The following SCN10A variants were observed in gnomAD, a reference collection of about 807,000 sequenced individuals.
The protein encoded by SCN10A is sodium voltage-gated channel alpha subunit 10, also known as sodium channel protein type 10 subunit alpha.
Under a neutral mutation model 170.7 loss-of-function variants are expected in SCN10A, and 162 were observed. The ratio of observed to expected loss-of-function variants is 0.95; its 90% CI spans 0.84 to 1.08. SCN10A has a LOEUF of 1.08. SCN10A is among the 50% of genes least tolerant of loss of function. SCN10A has a pLI of 0.00. For synonymous variants in SCN10A, 985 were observed against 904.6 expected (o/e 1.09, Z -1.59); for missense variants, 2,527 against 2,436.9 (o/e 1.04, Z -0.78).
In SCN10A at chr3:38,709,364, G is replaced by C. The variant is rs866937249; in HGVS notation, c.4281+114C>G. The C allele has an allele frequency of 7.5e-6, 8 of 1,071,714 alleles. No individual in the cohort carries two copies. The Middle Eastern group carries it at 1.7e-3, about 229-fold the overall frequency. 66.4% of individuals were successfully genotyped at this position (1,071,714 alleles called of 1,614,324 possible). ...GGCAAGGGTTAGCACTGATATTAAA[G>C]TGATGGGCTGTGAGTAGTGTTGGCT... On this transcript the variant is annotated intron_variant, in intron 25 of 27. Transcript: ENST00000449082.
At chr3:38,778,322 A>T (rs1470111547) in intron 4 of SCN10A, among the ~76,000 whole-genome samples, 1 of 151,914 alleles carries the variant, frequency 6.6e-6, no homozygotes, top group African/African-American at 2.4e-5. Context: ...CCCTTCAATG[A>T]TTCTCTGAAA....
chr3:38,815,939 T>C (rs1032765748), intron 1 of SCN10A, 98 bp downstream of exon 1: 2 of 152,200 alleles, frequency 1.3e-5, no homozygotes, highest in African/African-American at 4.8e-5. Flanking sequence ...ACATGCTTTG[T>C]TTTTGGTTTA....
In SCN10A at chr3:38,763,575, A is replaced by T. The variant is rs377716847; in HGVS notation, c.621T>A (p.Asp207Glu). 3.7e-6 allele frequency: 6 copies of T among 1,613,908 alleles called. No homozygotes were observed. The African/African-American group carries it at 8.0e-5, about 22-fold the overall frequency. The change falls in exon 6 of 28, where the codon GAT becomes GAA. Residue 207 changes from aspartate to glutamate, a missense_variant. Transcript: ENST00000449082. ...TCCGCAGGCCTGAGATCCCACGGAG[A>T]TCTATTGCTGTGCCAACATATCTGT... ...ITLAYVGTAI[D>E]LRGISGLRTF...
chr3:38,730,229 G>A (rs2063500879), intron 15 of SCN10A, among the ~76,000 whole-genome samples: 1 of 152,160 alleles, frequency 6.6e-6, no homozygotes, highest in Non-Finnish European at 1.5e-5. Context: ...AAATTGAATG[G>A]CTGGTGTTAG....
At position 38,742,491 on chromosome 3, in the gene SCN10A, T is replaced by C; in HGVS notation, c.1906A>G (p.Thr636Ala). ...ATCAGATACTTCTGAGACAAGCTGG[T>C]CAAGCAGGGTGGGCACTTCTGTTCA... is the stretch of plus-strand genomic sequence containing the variant. ...ESEQKCPPCL[T>A]SLSQKYLIWD... Residue 636 changes from threonine (T) to alanine (A), a missense_variant, in exon 14 of 28, where the codon ACC becomes GCC. Coordinates refer to ENST00000449082, the MANE Select transcript of SCN10A (RefSeq NM_006514.4). The C allele has an allele frequency of 6.2e-7, 1 of 1,614,088 alleles. No individual in the cohort carries two copies. The highest frequency in any genetic ancestry group is 8.5e-7 in the Non-Finnish European group (1 of 1,180,022).
At chr3:38,805,106 A>G (rs2064397188) in intron 1 of SCN10A, among the ~76,000 whole-genome samples, 1 of 152,160 alleles carries the variant, frequency 6.6e-6, no homozygotes, top group Non-Finnish European at 1.5e-5. Context: ...GCTAATTATA[A>G]GAGATACCAA....
intron 1 of SCN10A, among the ~76,000 whole-genome samples, chr3:38,807,815 A>G (rs148117965): frequency 3.9e-5 from 6 of 152,274 alleles, no homozygotes; most frequent in African/African-American, 1.2e-4. Context: ...GCAGTTGCTC[A>G]CATCATAAAC....
At chr3:38,738,096 A>T (rs961030465) in intron 15 of SCN10A, among the ~76,000 whole-genome samples, 1 of 151,620 alleles carries the variant, frequency 6.6e-6, no homozygotes, top group Admixed American at 6.6e-5. Context: ...GTGCACCACC[A>T]TGCCTGGCTA....
At chr3:38,713,889 A>T in intron 22 of SCN10A, 69 bp downstream of exon 22, 1 of 1,584,474 alleles carries the variant, frequency 6.3e-7, no homozygotes, top group Non-Finnish European at 8.6e-7. Flanking sequence ...CAGCCTCCCA[A>T]AGTGCTGGGA....
rs180758590 is a variant in SCN10A at position 38,763,788 on chromosome 3, C to T, written c.600-192G>A. 2.3e-3 allele frequency among the ~76,000 whole-genome samples: 347 copies of T among 152,294 alleles called. 6 individuals carry two copies. Among genetic ancestry groups the T allele is most frequent in the Admixed American group, 0.021 (315 of 15,300 alleles). On this transcript the variant is annotated intron_variant, in intron 5 of 27. Transcript: ENST00000449082. ...TTATTGCAACATCTTTCAGAGTGGA[C>T]CCTTTGAGAAGATGCATTGTGATCT...
At chr3:38,794,642 A>G (rs572088894) in intron 1 of SCN10A, among the ~76,000 whole-genome samples, 2 of 152,186 alleles carry the variant, frequency 1.3e-5, no homozygotes, top group East Asian at 1.9e-4. Flanking sequence ...GTGGTCCACA[A>G]TTTTGCCACT....
chr3:38,729,415 A>C (rs1052845028), intron 15 of SCN10A, among the ~76,000 whole-genome samples: 1 of 152,162 alleles, frequency 6.6e-6, no homozygotes, highest in Non-Finnish European at 1.5e-5. Context: ...CCAGCTTTGA[A>C]ACTGCAAATG....
intron 4 of SCN10A, among the ~76,000 whole-genome samples, chr3:38,774,799 C>T (rs1452221612): frequency 6.6e-6 from 1 of 152,206 alleles, no homozygotes; most frequent in Non-Finnish European, 1.5e-5. Flanking sequence ...GCCTCTCTTA[C>T]TCACTTTTCA....
chr3:38,733,630 C>T (rs1215458796), intron 15 of SCN10A, among the ~76,000 whole-genome samples: 2 of 152,164 alleles, frequency 1.3e-5, no homozygotes, highest in African/African-American at 2.4e-5. Context: ...ATCCTCCCAC[C>T]TCAGCCTCCC....
chr3:38,784,117 T>G (rs2064170415), intron 4 of SCN10A, among the ~76,000 whole-genome samples: 1 of 152,114 alleles, frequency 6.6e-6, no homozygotes, highest in Non-Finnish European at 1.5e-5. Flanking sequence ...TTTTTCATGC[T>G]CTTAAAGTTG....
At chr3:38,729,036 CT>C (rs2063488403) in intron 15 of SCN10A, 135 bp from the exon 16 acceptor site, 3 of 1,091,898 alleles carry the variant, frequency 2.7e-6, no homozygotes, top group Middle Eastern at 2.7e-4. Context: ...TTTCTGGACA[CT>C]GCTTTTGGAG....
intron 13 of SCN10A, among the ~76,000 whole-genome samples, chr3:38,749,367 G>A (rs1004324681): frequency 1.3e-5 from 2 of 152,018 alleles, no homozygotes; most frequent in South Asian, 2.1e-4. Flanking sequence ...ATACCCTAAG[G>A]CAAAAAAAGG....
At chr3:38,745,408 A>G (rs1363312668) in intron 13 of SCN10A, among the ~76,000 whole-genome samples, 3 of 152,016 alleles carry the variant, frequency 2.0e-5, no homozygotes, top group African/African-American at 7.3e-5. Flanking sequence ...TCTTCCCTTA[A>G]TCTTCAGTCT....
chr3:38,701,786 C>A, intron 27 of SCN10A, 53 bp downstream of exon 27: 1 of 1,519,538 alleles, frequency 6.6e-7, no homozygotes. Flanking sequence ...AAGAGCATCC[C>A]AAAGACCCCC....
Sources: gnomAD v4.1 joint callset for allele counts (sites outside exome capture counted in the v4.1 genomes callset) on GRCh38, gnomAD v4.1.1 for gene constraint, MANE v1.5 for transcripts, NCBI Gene and HGNC (gene_info 2026-07-23, HGNC 2026-07-21) for gene names.